ZNF687: variants seen among roughly 807,000 people sequenced by gnomAD.
ZNF687 encodes the protein zinc finger protein 687.
A neutral mutation model predicts 71.8 loss-of-function variants in ZNF687; 13 were observed. The observed-to-expected ratio is 0.18, with a 90% CI of 0.12 to 0.29. The LOEUF (loss-of-function observed/expected upper bound fraction) is 0.29. Among genes scored for constraint, ZNF687 ranks in the 10% least tolerant of loss-of-function variants. ZNF687 has a pLI of 1.00. For synonymous variants in ZNF687, 673 were observed against 641.6 expected (o/e 1.05, Z -0.74); for missense variants, 1,412 against 1,625.6 (o/e 0.87, Z 2.26).
rs1348670981 is a variant in ZNF687 at position 151,287,675 on chromosome 1, G to A, written c.1384G>A (p.Gly462Arg). Reference protein sequence around the residue: ...ADGRAGLGTGGQKVNGASVVM... With the variant: ...ADGRAGLGTGRQKVNGASVVM... ...CGGGCGGGCAGGGCTGGGGACTGGG[G>A]GACAGAAGGTGAATGGTGCCTCGGT... Residue 462 changes from glycine (G) to arginine (R), a missense_variant, in exon 2 of 9, where the codon GGA (glycine) becomes AGA (arginine). Gly to Arg is a moderately radical substitution (Grantham distance 125). Transcript: ENST00000336715. The surrounding 1 kb of genome is among the most constrained non-coding windows in gnomAD (Gnocchi z 5.0). 2 of 1,613,386 alleles carry A rather than the reference G, an allele frequency of 1.2e-6. No homozygotes were observed. The highest frequency in any genetic ancestry group is 3.3e-5 in the Admixed American group (2 of 59,936).
At chr1:151,286,251 C>G (rs1331310527) in intron 1 of ZNF687, 24 bp from the exon 2 acceptor site, 2 of 1,510,476 alleles carry the variant, frequency 1.3e-6, no homozygotes, top group Non-Finnish European at 1.8e-6. Context: ...CTCAGTTTCT[C>G]CTCCTCGTTC....
Position 151,289,988 on chromosome 1 carries a change from TGAA to T in ZNF687, c.2950_2952del (p.Lys984del), listed in dbSNP as rs774734408. ...GAGCGTGATGAATACGTGGCCCACA[TGAA>T]GAAGGAGCATGGCAAGGTGAGTGGG... is the stretch of plus-strand genomic sequence containing the variant. On this transcript the variant is annotated inframe_deletion, in exon 6 of 9. Coordinates refer to ENST00000336715, the MANE Select transcript of ZNF687 (RefSeq NM_020832.3). 7 of 1,583,026 alleles carry T rather than the reference TGAA, an allele frequency of 4.4e-6. No individual in the cohort carries two copies. In the Admixed American group the frequency reaches 6.9e-5, roughly 16 times the overall value.
At chr1:151,282,245 G>C, upstream of ZNF687, 3 of 1,017,514 alleles carry the variant, frequency 2.9e-6, no homozygotes, top group Non-Finnish European at 3.6e-6. Context: ...GGGCAGCCCA[G>C]ACCTGGAGCG....
intron 1 of ZNF687, chr1:151,285,132 C>T (rs587699613): frequency 6.6e-6 from 1 of 152,330 alleles, no homozygotes; most frequent in South Asian, 2.1e-4. Context: ...GCTTGTACTG[C>T]ACGCCCCTGA....
rs1205835738 is a variant in ZNF687 at position 151,290,576 on chromosome 1, A to G, written c.3219+3A>G. Reference sequence around the variant, plus strand: ...GGGGTTCCAGTGCCAGAGCCCAGGTAGGCAGAGGCCCGGCCTGCTGTGCTA... The same window carrying G: ...GGGGTTCCAGTGCCAGAGCCCAGGTGGGCAGAGGCCCGGCCTGCTGTGCTA... On this transcript the variant is annotated splice_donor_region_variant and intron_variant, in intron 8 of 8. Transcript: ENST00000336715. The G allele has an allele frequency of 1.2e-6, 2 of 1,612,558 alleles. No homozygotes were observed. The highest frequency in any genetic ancestry group is 2.7e-5 in the African/African-American group (2 of 74,914).
chr1:151,285,130 T>A (rs1557766975), intron 1 of ZNF687: 1 of 152,240 alleles, frequency 6.6e-6, no homozygotes, highest in Non-Finnish European at 1.5e-5. Flanking sequence ...TTGCTTGTAC[T>A]GCACGCCCCT....
At chr1:151,284,954 G>C (rs1272679040) in intron 1 of ZNF687, among the ~76,000 whole-genome samples, 2 of 151,696 alleles carry the variant, frequency 1.3e-5, no homozygotes, top group Non-Finnish European at 2.9e-5. Context: ...GGGACTACAG[G>C]CACGTGCCAT....
intron 1 of ZNF687, chr1:151,285,206 C>A (rs587604732): frequency 6.6e-6 from 1 of 152,160 alleles, no homozygotes; most frequent in African/African-American, 2.4e-5. Context: ...GTACATGCAG[C>A]CTTTCAGATC....
At position 151,288,250 on chromosome 1, in the gene ZNF687, T is replaced by C. The variant is rs750219340; in HGVS notation, c.1959T>C (p.Pro653=). 14 of 1,613,446 alleles carry C rather than the reference T, an allele frequency of 8.7e-6. No homozygotes were observed. In the South Asian group the frequency reaches 1.1e-4, roughly 13 times the overall value. The change falls in exon 2 of 9, where the codon CCT becomes CCC. Residue 653 remains proline (P), a synonymous_variant. Transcript: ENST00000336715. ...SAITTVAAEA[P]VLPLSTEPPA... ...TTACTACAGTTGCTGCTGAGGCCCC[T>C]GTCCTGCCGCTCTCCACAGAGCCGC...
chr1:151,282,152 G>T, upstream of ZNF687: 4 of 1,194,436 alleles, frequency 3.3e-6, no homozygotes, highest in Non-Finnish European at 4.3e-6. Flanking sequence ...CCGAGCGGCA[G>T]TATTTAGGGC....
At position 151,288,171 on chromosome 1, in the gene ZNF687, C is replaced by G. The variant is rs745758747; in HGVS notation, c.1880C>G (p.Pro627Arg). ...LPVAVPPVSG[P>R]LALPALGKGE... ...GTAGCTGTCCCACCTGTCTCTGGAC[C>G]TCTGGCCTTGCCTGCCTTGGGCAAG... The change falls in exon 2 of 9, where the codon CCT (proline) becomes CGT (arginine). Residue 627 changes from proline to arginine, a missense_variant. Pro to Arg is a moderately radical substitution (Grantham distance 103). Around this residue, in one of 8 missense-constraint regions of ZNF687, gnomAD observed 207 missense variants for 239.2 expected, o/e 0.87. Transcript: ENST00000336715. 5.9e-5 allele frequency: 95 copies of G among 1,613,886 alleles called. 1 individual carries two copies. The South Asian group carries it at 9.9e-4, about 17-fold the overall frequency.
intron 1 of ZNF687, chr1:151,283,694 A>T: frequency 2.5e-6 from 1 of 404,954 alleles, no homozygotes; most frequent in Non-Finnish European, 3.3e-6. Flanking sequence ...GGAGGGAACC[A>T]GGCTTAGGAG....
At chr1:151,282,210 A>T, upstream of ZNF687, 3 of 1,056,328 alleles carry the variant, frequency 2.8e-6, no homozygotes, top group Non-Finnish European at 3.5e-6. Flanking sequence ...CGACGGGGGC[A>T]AGGGCCAATG....
At chr1:151,283,754 T>C (rs1273260247) in intron 1 of ZNF687, 1 of 900,252 alleles carries the variant, frequency 1.1e-6, no homozygotes, top group Non-Finnish European at 1.3e-6. Flanking sequence ...TTCTGCAGAA[T>C]TGAATAGGGT....
At chr1:151,290,089 G>T (rs1557774266) in intron 6 of ZNF687, 33 bp from the exon 7 acceptor site, 1 of 1,613,348 alleles carries the variant, frequency 6.2e-7, no homozygotes, top group Non-Finnish European at 8.5e-7. Context: ...GGGTCCTGGA[G>T]CCTGGCTCTG....
At position 151,289,528 on chromosome 1, in the gene ZNF687, G is replaced by A; in HGVS notation, c.2622G>A (p.Leu874=). 1 of 1,614,102 alleles carries A rather than the reference G, an allele frequency of 6.2e-7. No individual in the cohort carries two copies. Among genetic ancestry groups the A allele is most frequent in the Non-Finnish European group, 8.5e-7 (1 of 1,180,046 alleles). ...PLLFAQKRTM[L]EHLKNTHQSG... is the part of the protein sequence containing the mutation. ...TCTTTGCCCAAAAAAGGACCATGCT[G>A]GAACATCTCAAGGTACAGGAGCAGA... is the stretch of plus-strand genomic sequence containing the variant. The change falls in exon 5 of 9, where the codon CTG becomes CTA. Residue 874 remains leucine, a synonymous_variant. Coordinates refer to ENST00000336715, the MANE Select transcript of ZNF687 (RefSeq NM_020832.3).
rs771421285 is a variant in ZNF687 at position 151,289,986 on chromosome 1, CATG to C, written c.2945_2947del (p.Met982del). On this transcript the variant is annotated inframe_deletion, in exon 6 of 9. Transcript: ENST00000336715. ...CTGAGCGTGATGAATACGTGGCCCA[CATG>C]AAGAAGGAGCATGGCAAGGTGAGTG... The C allele has an allele frequency of 2.5e-6, 4 of 1,582,490 alleles. No individual in the cohort carries two copies. Among genetic ancestry groups the C allele is most frequent in the Non-Finnish European group, 3.4e-6 (4 of 1,161,768 alleles).
At position 151,289,437 on chromosome 1, in the gene ZNF687, C is replaced by T. The variant is rs372836667; in HGVS notation, c.2531C>T (p.Ser844Leu). The change falls in exon 5 of 9, where the codon TCA (serine) becomes TTA (leucine). Residue 844 changes from serine to leucine, a missense_variant. Physicochemically the swap from Ser to Leu is moderately radical, Grantham distance 145 (BLOSUM62 -2). Around this residue, in one of 8 missense-constraint regions of ZNF687, gnomAD observed 106 missense variants for 146.0 expected, o/e 0.73. Coordinates refer to ENST00000336715, the MANE Select transcript of ZNF687 (RefSeq NM_020832.3). The stretch of plus-strand genomic sequence containing the variant: ...TTCACTCACAAACCCCTCCTCTCCT[C>T]ACACTTCGACCAGCACTTGCTGCCC... ...TVFTHKPLLS[S>L]HFDQHLLPQR... 4 of 1,614,076 alleles carry T rather than the reference C, an allele frequency of 2.5e-6. No individual in the cohort carries two copies. Among genetic ancestry groups the T allele is most frequent in the Non-Finnish European group, 3.4e-6 (4 of 1,180,064 alleles).
rs1302521794 is a variant in ZNF687 at position 151,287,279 on chromosome 1, G to A, written c.988G>A (p.Val330Met). The change falls in exon 2 of 9, where the codon GTG becomes ATG. Residue 330 changes from valine to methionine, a missense_variant. Physicochemically the swap from Val to Met is conservative, Grantham distance 21. Transcript: ENST00000336715. This position sits in a 1 kb window ranked among gnomAD's most constrained non-coding sequence, Gnocchi z 5.0. ...PASSSSRPLK[V>M]RIKTIKTSCG... The stretch of plus-strand genomic sequence containing the variant: ...CTCCAGCTCCTCTAGGCCTCTTAAG[G>A]TGCGGATCAAGACCATTAAAACATC... 1.2e-6 allele frequency: 2 copies of A among 1,614,166 alleles called. No homozygotes were observed. Among genetic ancestry groups the A allele is most frequent in the Admixed American group, 1.7e-5 (1 of 60,024 alleles).
Sources: gnomAD v4.1 joint callset for allele counts (sites outside exome capture counted in the v4.1 genomes callset) on GRCh38, gnomAD v4.1.1 for gene constraint, gnomAD v4.1.1 regional missense constraint, Gnocchi (gnomAD v3.1) non-coding constraint, MANE v1.5 for transcripts, NCBI Gene and HGNC (gene_info 2026-07-23, HGNC 2026-07-21) for gene names.